SIAE: variants seen among roughly 807,000 people sequenced by gnomAD.
The protein encoded by SIAE is sialate O-acetylesterase.
Under a neutral mutation model 52.6 loss-of-function variants are expected in SIAE, and 39 were observed. The ratio of observed to expected loss-of-function variants is 0.74; its 90% CI spans 0.57 to 0.97. The LOEUF is 0.97. Among genes scored for constraint, SIAE ranks in the 50% least tolerant of loss-of-function variants. The pLI is 0.00. For synonymous variants in SIAE, 233 were observed against 241.4 expected, an observed-to-expected ratio of 0.97 and a Z score of 0.32; for missense variants, 592 against 662.1, an observed-to-expected ratio of 0.89 and a Z score of 1.16.
chr11:124,673,528 G>T, intron 1 of SIAE, 114 bp downstream of exon 1: 3 of 1,283,626 alleles, frequency 2.3e-6, no homozygotes, highest in Non-Finnish European at 3.3e-6. Flanking sequence ...GCCTAGCTAG[G>T]TTCCTTCGTC....
chr11:124,650,838 A>C (rs73624506), intron 4 of SIAE, among the ~76,000 whole-genome samples: 2,233 of 152,332 alleles, frequency 0.015, 48 homozygotes, highest in African/African-American at 0.05. Flanking sequence ...GGTAAAGAAA[A>C]CATGGACAGA....
Position 124,639,793 on chromosome 11 carries a change from GAA to G in SIAE, c.1039_1040del (p.Phe347ArgfsTer21). ...GCATCTTTGGGTTGGGGACATAGCC[GAA>G]GTCTGCTGTTTGATGCCAACGGATC... is the stretch of plus-strand genomic sequence containing the variant. The part of the protein sequence containing the change: ...PQIRWHQTAD[F>X]GYVPNPKMPN... On this transcript the variant is annotated frameshift_variant, in exon 8 of 10. Coordinates refer to ENST00000263593, the MANE Select transcript of SIAE (RefSeq NM_170601.5). LOFTEE classifies it high-confidence loss of function. 1.2e-6 allele frequency: 2 copies of G among 1,614,186 alleles called. No homozygotes were observed. The highest frequency in any genetic ancestry group is 1.7e-6 in the Non-Finnish European group (2 of 1,180,032).
At chr11:124,669,302 G>A (rs1565419035) in intron 2 of SIAE, 58 bp downstream of exon 2, 1 of 1,596,880 alleles carries the variant, frequency 6.3e-7, no homozygotes, top group Non-Finnish European at 8.6e-7. Flanking sequence ...TTCATTTTCA[G>A]ATAATCCAGC....
At chr11:124,643,536 G>A (rs566429809) in intron 7 of SIAE, among the ~76,000 whole-genome samples, 1 of 152,292 alleles carries the variant, frequency 6.6e-6, no homozygotes, top group Non-Finnish European at 1.5e-5. Flanking sequence ...GTAGTGAGAA[G>A]TGGTCAGATT....
chr11:124,652,014 CG>C (rs962629198), intron 4 of SIAE, among the ~76,000 whole-genome samples: 1 of 152,048 alleles, frequency 6.6e-6, no homozygotes, highest in Non-Finnish European at 1.5e-5. Context: ...AGAAAAAATA[CG>C]TGAAAAGGCA....
At chr11:124,666,073 C>G (rs1226973248) in intron 2 of SIAE, among the ~76,000 whole-genome samples, 2 of 152,150 alleles carry the variant, frequency 1.3e-5, no homozygotes, top group Admixed American at 6.5e-5. Context: ...AATCCTCTTA[C>G]ATCATTTGAC....
At chr11:124,675,058 A>G (rs903166758), upstream of SIAE, 17 of 537,306 alleles carry the variant, frequency 3.2e-5, no homozygotes, top group Non-Finnish European at 2.2e-5. Context: ...TTTGTATTAT[A>G]CTAATTCACA....
chr11:124,641,536 A>G (rs1373722002), intron 7 of SIAE, among the ~76,000 whole-genome samples: 1 of 152,264 alleles, frequency 6.6e-6, no homozygotes, highest in Non-Finnish European at 1.5e-5. Flanking sequence ...CTAACGTGCT[A>G]CTGAACTCAA....
At chr11:124,660,542 G>A in intron 3 of SIAE, 86 bp downstream of exon 3, 1 of 1,391,960 alleles carries the variant, frequency 7.2e-7, no homozygotes, top group Non-Finnish European at 1.0e-6. Flanking sequence ...AAACAGCCCT[G>A]CTTCTCCTTG....
intron 2 of SIAE, among the ~76,000 whole-genome samples, chr11:124,663,701 A>G (rs1943225770): frequency 1.3e-5 from 2 of 152,246 alleles, no homozygotes; most frequent in Admixed American, 1.3e-4. Context: ...AAAAGCCACC[A>G]TGTTTCATAA....
intron 3 of SIAE, among the ~76,000 whole-genome samples, chr11:124,656,945 C>T (rs1943110437): frequency 6.6e-6 from 1 of 152,160 alleles, no homozygotes; most frequent in Non-Finnish European, 1.5e-5. Flanking sequence ...ACCCACCCAC[C>T]ACAGAGAATA....
chr11:124,655,706 ACCACACCCCC>A (rs1378058269), intron 3 of SIAE, among the ~76,000 whole-genome samples: 1 of 152,124 alleles, frequency 6.6e-6, no homozygotes, highest in Non-Finnish European at 1.5e-5. Context: ...GGTTCCAGGA[ACCACACCCCC>A]CCACACCAAA....
chr11:124,638,627 A>G lies in SIAE; in HGVS notation c.1235T>C (p.Ile412Thr), dbSNP rs1244284000. Residue 412 changes from isoleucine to threonine, a missense_variant, in exon 9 of 10, where the codon ATA (isoleucine) becomes ACA (threonine). Ile to Thr is a moderately conservative substitution (Grantham distance 89). Transcript: ENST00000263593. ...CAGCCCCTTGTGAGCCAAGAGTTCT[A>G]TCTTCTCAGGCAGTGGTCCTTCAAA... is the stretch of plus-strand genomic sequence containing the variant. ...LTFEGPLPEKIELLAHKGLLN... is the reference protein window; with the variant it reads ...LTFEGPLPEKTELLAHKGLLN... 6 of 1,614,046 alleles carry G rather than the reference A, an allele frequency of 3.7e-6. No individual in the cohort carries two copies. The highest frequency in any genetic ancestry group is 3.3e-5 in the Admixed American group (2 of 59,998).
chr11:124,637,419 T>TAATA (rs974806831), intron 9 of SIAE, among the ~76,000 whole-genome samples: 1 of 152,206 alleles, frequency 6.6e-6, no homozygotes, highest in Non-Finnish European at 1.5e-5. Flanking sequence ...TAAATAATTT[T>TAATA]AATAAATAAA....
chr11:124,669,660 G>A (rs754904846), intron 1 of SIAE, 139 bp from the exon 2 acceptor site: 6 of 809,574 alleles, frequency 7.4e-6, no homozygotes, highest in Non-Finnish European at 8.2e-6. Flanking sequence ...GTCTAAAACT[G>A]GCTCTTCTTC....
At chr11:124,657,711 T>A (rs759834860) in intron 3 of SIAE, among the ~76,000 whole-genome samples, 1 of 152,160 alleles carries the variant, frequency 6.6e-6, no homozygotes, top group Non-Finnish European at 1.5e-5. Context: ...ACAGAGAGTG[T>A]CAGCAAAAAT....
At chr11:124,659,353 G>T (rs1943148420) in intron 3 of SIAE, 1 of 152,120 alleles carries the variant, frequency 6.6e-6, no homozygotes, top group Non-Finnish European at 1.5e-5. Flanking sequence ...TTTCTATCAA[G>T]AAATAAAACT....
chr11:124,669,328 G>C, intron 2 of SIAE, 32 bp downstream of exon 2: 1 of 1,613,596 alleles, frequency 6.2e-7, no homozygotes, highest in African/African-American at 1.3e-5. Flanking sequence ...GCAGAAGAGG[G>C]CAATAGCTGA....
upstream of SIAE, chr11:124,673,826 C>A: frequency 8.4e-7 from 1 of 1,193,532 alleles, no homozygotes. Flanking sequence ...CTCCCGCGAC[C>A]TCAGGACTGG....
Sources: allele counts gnomAD v4.1 joint callset (sites outside exome capture counted in the v4.1 genomes callset), GRCh38; gene constraint gnomAD v4.1.1; transcripts MANE v1.5; gene names NCBI Gene and HGNC (gene_info 2026-07-23, HGNC 2026-07-21).